Variants in CDK14 observed in about 807,000 individuals in gnomAD.
CDK14 encodes cyclin dependent kinase 14.
A neutral mutation model predicts 60.7 loss-of-function variants in CDK14; 34 were observed. The observed-to-expected ratio is 0.56, with a 90% CI of 0.43 to 0.75. The LOEUF is 0.75. CDK14 is among the 30% of genes least tolerant of loss of function. The pLI is 0.00. For synonymous variants in CDK14, 197 were observed against 203.7 expected (o/e 0.97, Z 0.28); for missense variants, 482 against 564.1 (o/e 0.85, Z 1.47).
intron 10 of CDK14, among the ~76,000 whole-genome samples, chr7:91,033,904 A>G (rs1335774572): frequency 2.0e-5 from 3 of 152,236 alleles, no homozygotes; most frequent in Admixed American, 6.5e-5. Context: ...CCATAAGGGA[A>G]TCAGGGTTTA....
At chr7:91,021,595 A>G (rs1360020552) in intron 10 of CDK14, among the ~76,000 whole-genome samples, 1 of 152,242 alleles carries the variant, frequency 6.6e-6, no homozygotes, top group Non-Finnish European at 1.5e-5. Flanking sequence ...AAAGCATAAT[A>G]TAGAGACATG....
chr7:90,784,069 T>C (rs536682992), intron 4 of CDK14, among the ~76,000 whole-genome samples: 2 of 152,304 alleles, frequency 1.3e-5, no homozygotes, highest in South Asian at 2.1e-4. Flanking sequence ...ATGTGATAGA[T>C]AGTACACAAT....
intron 14 of CDK14, among the ~76,000 whole-genome samples, chr7:91,158,308 G>A (rs1267318234): frequency 6.6e-6 from 1 of 151,842 alleles, no homozygotes; most frequent in Non-Finnish European, 1.5e-5. Flanking sequence ...GACCTCCCGC[G>A]CTCAAGCATT....
At chr7:91,087,536 A>C (rs1798675543) in intron 12 of CDK14, among the ~76,000 whole-genome samples, 1 of 152,198 alleles carries the variant, frequency 6.6e-6, no homozygotes. Flanking sequence ...CAATTTGTAT[A>C]ACCTCTTGGC....
intron 14 of CDK14, among the ~76,000 whole-genome samples, chr7:91,199,334 TA>T (rs574926014): frequency 0.054 from 8,216 of 151,430 alleles, 336 homozygotes; most frequent in Admixed American, 0.14. Context: ...GTTTTTTTAT[TA>T]AAAAAAAAGA....
intron 10 of CDK14, among the ~76,000 whole-genome samples, chr7:90,987,594 A>G (rs983412194): frequency 1.3e-5 from 2 of 151,996 alleles, no homozygotes; most frequent in Admixed American, 6.6e-5. Flanking sequence ...TAAATATTTT[A>G]TTTTCTCCAC....
intron 2 of CDK14, among the ~76,000 whole-genome samples, chr7:90,699,864 C>G (rs1015033389): frequency 6.6e-6 from 1 of 152,094 alleles, no homozygotes; most frequent in Non-Finnish European, 1.5e-5. Context: ...TTAAGAGAAA[C>G]AGTGGTTATT....
intron 2 of CDK14, among the ~76,000 whole-genome samples, chr7:90,676,320 T>G (rs1801197115): frequency 6.6e-6 from 1 of 151,916 alleles, no homozygotes; most frequent in Non-Finnish European, 1.5e-5. Flanking sequence ...GAAACTCACT[T>G]TGGAAAATGG....
At chr7:91,013,529 T>C (rs1245872052) in intron 10 of CDK14, among the ~76,000 whole-genome samples, 1 of 152,196 alleles carries the variant, frequency 6.6e-6, no homozygotes, top group Non-Finnish European at 1.5e-5. Flanking sequence ...TCTCCTTTCC[T>C]GTTAAAATGT....
At chr7:91,166,493 C>T (rs1319702736) in intron 14 of CDK14, among the ~76,000 whole-genome samples, 2 of 152,176 alleles carry the variant, frequency 1.3e-5, no homozygotes, top group African/African-American at 2.4e-5. Flanking sequence ...ATACATTAAT[C>T]TATGAAATGA....
intron 4 of CDK14, among the ~76,000 whole-genome samples, chr7:90,783,764 AAGAC>A (rs1429419644): frequency 2.6e-5 from 4 of 152,188 alleles, no homozygotes; most frequent in Admixed American, 6.6e-5. Flanking sequence ...TTTTATCTGA[AAGAC>A]AGGCAATAAC....
At chr7:90,732,381 T>G (rs1394182032) in intron 3 of CDK14, among the ~76,000 whole-genome samples, 4 of 152,196 alleles carry the variant, frequency 2.6e-5, no homozygotes, top group Admixed American at 2.0e-4. Flanking sequence ...GATTCCCTCT[T>G]TTTCTGTTGT....
At chr7:91,186,430 G>A (rs1281739863) in intron 14 of CDK14, among the ~76,000 whole-genome samples, 1 of 150,768 alleles carries the variant, frequency 6.6e-6, no homozygotes, top group Non-Finnish European at 1.5e-5. Flanking sequence ...ATGCTGCTAT[G>A]AACATTAAAG....
chr7:91,162,120 C>T (rs1343163047), intron 14 of CDK14, among the ~76,000 whole-genome samples: 3 of 152,170 alleles, frequency 2.0e-5, no homozygotes, highest in Non-Finnish European at 4.4e-5. Flanking sequence ...TGCCTTCTCT[C>T]ACAGGCCAGT....
intron 11 of CDK14, among the ~76,000 whole-genome samples, chr7:91,057,885 GAGGGCTCTTTTTTGGTTCC>G (rs1451744412): frequency 6.6e-6 from 1 of 152,102 alleles, no homozygotes; most frequent in Non-Finnish European, 1.5e-5. Context: ...ACTTGGCAAT[GAGGGCTCTTTTTTGGTTCC>G]ATATGAACTT....
intron 2 of CDK14, among the ~76,000 whole-genome samples, chr7:90,678,025 A>G (rs1801235494): frequency 6.6e-6 from 1 of 152,162 alleles, no homozygotes; most frequent in Admixed American, 6.5e-5. Flanking sequence ...CTCAGCGATG[A>G]GTGTAAACAT....
chr7:90,820,145 A>C (rs142387480), intron 5 of CDK14, among the ~76,000 whole-genome samples: 1,615 of 152,178 alleles, frequency 0.011, 17 homozygotes, highest in Admixed American at 0.017. Flanking sequence ...TATATTTTTT[A>C]GTATGAGTAT....
At chr7:91,195,620 A>G (rs1280132295) in intron 14 of CDK14, among the ~76,000 whole-genome samples, 1 of 152,176 alleles carries the variant, frequency 6.6e-6, no homozygotes, top group Non-Finnish European at 1.5e-5. Context: ...AATGTTACAA[A>G]CCTGGTATTT....
At chr7:90,952,748 C>G (rs1794299318) in intron 8 of CDK14, among the ~76,000 whole-genome samples, 1 of 152,068 alleles carries the variant, frequency 6.6e-6, no homozygotes, top group African/African-American at 2.4e-5. Flanking sequence ...GGTAGTGTAG[C>G]TCTGTTCCTG....
Sources: allele counts gnomAD v4.1 joint callset (sites outside exome capture counted in the v4.1 genomes callset), GRCh38; gene constraint gnomAD v4.1.1; transcripts MANE v1.5; gene names NCBI Gene and HGNC (gene_info 2026-07-23, HGNC 2026-07-21).